Variants in KIRREL3 observed in about 807,000 individuals in gnomAD.
KIRREL3 encodes kirre like nephrin family adhesion molecule 3.
In KIRREL3, 36 loss-of-function variants were observed where a neutral mutation model predicts 89.7. The observed-to-expected ratio is 0.40, with a 90% CI of 0.31 to 0.53. The LOEUF is 0.53. Among genes scored for constraint, KIRREL3 ranks in the 20% least tolerant of loss-of-function variants. The pLI, the probability that KIRREL3 is intolerant of heterozygous loss-of-function variation, is 0.49. For missense variants in KIRREL3, 864 were observed against 1,056.6 expected (o/e 0.82, Z 2.53); for synonymous variants, 445 against 441.4 (o/e 1.01, Z -0.10).
rs1300702946 is a variant in KIRREL3 at position 126,791,002 on chromosome 11, G to A, written c.55+209453C>T. ...TAATATACTGAGCAAACTGGGTGGT[G>A]TGGAGGATTTGTCGATGAGAATGCA... On this transcript the variant is annotated intron_variant, in intron 1 of 16. Transcript: ENST00000525144. This position sits in a 1 kb window ranked among gnomAD's most constrained non-coding sequence, Gnocchi z 4.8. 6.6e-6 allele frequency among the ~76,000 whole-genome samples: 1 copy of A among 152,194 alleles called. No homozygotes were observed. Among genetic ancestry groups the A allele is most frequent in the African/African-American group, 2.4e-5 (1 of 41,448 alleles).
intron 1 of KIRREL3, among the ~76,000 whole-genome samples, chr11:126,884,918 A>G (rs1945643268): frequency 6.6e-6 from 1 of 152,224 alleles, no homozygotes; most frequent in Non-Finnish European, 1.5e-5. Flanking sequence ...AACACATGAC[A>G]GAGTCTGCAG....
Position 126,623,028 on chromosome 11 carries a change from A to G in KIRREL3, c.56-60116T>C, listed in dbSNP as rs1269868618. Among the ~76,000 whole-genome samples, 1 of 152,118 alleles carries G rather than the reference A, an allele frequency of 6.6e-6. No homozygotes were observed. Among genetic ancestry groups the G allele is most frequent in the Non-Finnish European group, 1.5e-5 (1 of 68,018 alleles). ...AGGCAATCTGATGCTCAGAACCTAG[A>G]CTCTTAATTACACTAATATGATATT... is the stretch of plus-strand genomic sequence containing the variant. On this transcript the variant is annotated intron_variant, in intron 1 of 16. Transcript: ENST00000525144. This position sits in a 1 kb window ranked among gnomAD's most constrained non-coding sequence, Gnocchi z 4.1.
rs572579901 is a variant in KIRREL3, at chr11:126,719,926, C to A, written c.56-157014G>T. Among the ~76,000 whole-genome samples, 1 of 152,278 alleles carries A rather than the reference C, an allele frequency of 6.6e-6. No individual in the cohort carries two copies. The highest frequency in any genetic ancestry group is 6.5e-5 in the Admixed American group (1 of 15,292). ...GCAATGTCAGTTGGATCTGATCGCT[C>A]CTCTGTCCAAACTTCTGATGGCTTA... On this transcript the variant is annotated intron_variant, in intron 1 of 16. Transcript: ENST00000525144. This position sits in a 1 kb window ranked among gnomAD's most constrained non-coding sequence, Gnocchi z 4.7.
At chr11:126,488,315 T>G (rs1255628726) in intron 4 of KIRREL3, among the ~76,000 whole-genome samples, 1 of 152,240 alleles carries the variant, frequency 6.6e-6, no homozygotes, top group African/African-American at 2.4e-5. Context: ...GCCTTTGCTC[T>G]CAGACAGAGC....
At position 126,530,044 on chromosome 11, in the gene KIRREL3, C is replaced by A. The variant is rs1450791025; in HGVS notation, c.134-3357G>T. 6.6e-6 allele frequency among the ~76,000 whole-genome samples: 1 copy of A among 151,816 alleles called. No homozygotes were observed. Among genetic ancestry groups the A allele is most frequent in the African/African-American group, 2.4e-5 (1 of 41,276 alleles). ...GCCCCTCAGAGCACAGCTTTTGAGCCATGGATGTAAGTTATTGCCAGAAGA... is the reference window on the plus strand; with the variant it reads ...GCCCCTCAGAGCACAGCTTTTGAGCAATGGATGTAAGTTATTGCCAGAAGA... On this transcript the variant is annotated intron_variant, in intron 2 of 16. Coordinates refer to ENST00000525144, the MANE Select transcript of KIRREL3 (RefSeq NM_032531.4). The surrounding 1 kb of genome is among the most constrained non-coding windows in gnomAD (Gnocchi z 5.8).
intron 1 of KIRREL3, among the ~76,000 whole-genome samples, chr11:126,947,814 G>A (rs373082015): frequency 1.3e-5 from 2 of 152,142 alleles, no homozygotes; most frequent in African/African-American, 4.8e-5. Context: ...CAAAACAATG[G>A]CTGGCTGTTC....
intron 4 of KIRREL3, among the ~76,000 whole-genome samples, chr11:126,511,868 G>A (rs6590216): frequency 0.33 from 49,500 of 152,172 alleles, 8,443 homozygotes; most frequent in Admixed American, 0.39. Flanking sequence ...GGCTGAGGTC[G>A]GAACGGAGAA....
intron 1 of KIRREL3, among the ~76,000 whole-genome samples, chr11:126,925,356 C>CG (rs1318914543): frequency 6.6e-6 from 1 of 151,948 alleles, no homozygotes; most frequent in Non-Finnish European, 1.5e-5. Context: ...CCTGTGGTGG[C>CG]GGGGGGAGCA....
At chr11:126,944,095 G>A (rs937427966) in intron 1 of KIRREL3, among the ~76,000 whole-genome samples, 13 of 152,138 alleles carry the variant, frequency 8.5e-5, no homozygotes, top group African/African-American at 2.9e-4. Flanking sequence ...GACACAGAGA[G>A]GAATCTGAAT....
In KIRREL3 at chr11:126,744,804, C is replaced by T. The variant is rs1779771584; in HGVS notation, c.56-181892G>A. 6.6e-6 allele frequency among the ~76,000 whole-genome samples: 1 copy of T among 151,092 alleles called. No individual in the cohort carries two copies. Among genetic ancestry groups the T allele is most frequent in the South Asian group, 2.1e-4 (1 of 4,794 alleles). ...CTGCTAGAATATAGGCTTCATGAGG[C>T]AGGTACTGTATTTGCCCTGTTGCCT... is the stretch of plus-strand genomic sequence containing the variant. On this transcript the variant is annotated intron_variant, in intron 1 of 16. Transcript: ENST00000525144. The surrounding 1 kb of genome is among the most constrained non-coding windows in gnomAD (Gnocchi z 4.7).
intron 1 of KIRREL3, among the ~76,000 whole-genome samples, chr11:126,865,244 C>T (rs1249652929): frequency 2.0e-5 from 3 of 152,218 alleles, no homozygotes; most frequent in Non-Finnish European, 4.4e-5. Context: ...GTCTAAACGT[C>T]AATGATTATT....
intron 2 of KIRREL3, among the ~76,000 whole-genome samples, chr11:126,532,241 A>G (rs1958964999): frequency 6.6e-6 from 1 of 152,228 alleles, no homozygotes; most frequent in African/African-American, 2.4e-5. Flanking sequence ...TGGTCTGGGT[A>G]CAGCCCTATT....
At position 126,521,545 on chromosome 11, in the gene KIRREL3, C is replaced by G; in HGVS notation, c.284-81G>C. The G allele has an allele frequency of 7.7e-7, 1 of 1,298,444 alleles. No individual in the cohort carries two copies. The highest frequency in any genetic ancestry group is 1.1e-6 in the Non-Finnish European group (1 of 952,250). The allele number at this position is 1,298,444 out of a possible 1,614,324, so 80.4% of individuals were successfully genotyped here. A position where few individuals can be genotyped will look rare whatever the true frequency, so the allele number is the denominator to read the frequency against. On this transcript the variant is annotated intron_variant, in intron 3 of 16. Transcript: ENST00000525144. The surrounding 1 kb of genome is among the most constrained non-coding windows in gnomAD (Gnocchi z 4.1). ...GACAAAGAGGCACAGAATGGAGGAC[C>G]CAAGCAGGGGCCATTCTACAAGGCT...
rs1285430541 is a variant in KIRREL3 at position 126,837,837 on chromosome 11, C to T, written c.55+162618G>A. On this transcript the variant is annotated intron_variant, in intron 1 of 16. Coordinates refer to ENST00000525144, the MANE Select transcript of KIRREL3 (RefSeq NM_032531.4). This position sits in a 1 kb window ranked among gnomAD's most constrained non-coding sequence, Gnocchi z 4.7. ...CTTGCTATCCATTTCTAGCAGCTCG[C>T]AGTCTATGTCCAGGCATACATCCTA... Among the ~76,000 whole-genome samples, 4 of 152,212 alleles carry T rather than the reference C, an allele frequency of 2.6e-5. No homozygotes were observed. Among genetic ancestry groups the T allele is most frequent in the African/African-American group, 9.7e-5 (4 of 41,448 alleles).
At chr11:126,774,745 T>C (rs1222355666) in intron 1 of KIRREL3, among the ~76,000 whole-genome samples, 1 of 152,168 alleles carries the variant, frequency 6.6e-6, no homozygotes, top group African/African-American at 2.4e-5. Context: ...GGTTGGTTTC[T>C]CCAGGGCAGG....
In KIRREL3 at chr11:126,476,030, A is replaced by C. The variant is rs1266086392; in HGVS notation, c.434-2564T>G. Among the ~76,000 whole-genome samples, 2 of 150,940 alleles carry C rather than the reference A, an allele frequency of 1.3e-5. No individual in the cohort carries two copies. Among genetic ancestry groups the C allele is most frequent in the East Asian group, 3.9e-4 (2 of 5,190 alleles). ...CCTCAGCCTTCCCAGTGACTGTGGAAAGTGCCTGAGAGCAGAGGGTGGAGC... is the reference window on the plus strand; with the variant it reads ...CCTCAGCCTTCCCAGTGACTGTGGACAGTGCCTGAGAGCAGAGGGTGGAGC... On this transcript the variant is annotated intron_variant, in intron 4 of 16. Transcript: ENST00000525144. The surrounding 1 kb of genome is among the most constrained non-coding windows in gnomAD (Gnocchi z 6.4).
intron 1 of KIRREL3, among the ~76,000 whole-genome samples, chr11:126,649,157 T>C (rs1000019543): frequency 6.6e-6 from 1 of 152,182 alleles, no homozygotes; most frequent in Non-Finnish European, 1.5e-5. Flanking sequence ...ACCACCCTCA[T>C]GATTAAAATT....
At chr11:126,632,637 A>G (rs1047888734) in intron 1 of KIRREL3, among the ~76,000 whole-genome samples, 1 of 33,112 alleles carries the variant, frequency 3.0e-5, no homozygotes, top group Non-Finnish European at 7.3e-5. Flanking sequence ...CTCAGCACGG[A>G]GCGTTTACTT....
intron 1 of KIRREL3, among the ~76,000 whole-genome samples, chr11:126,671,628 A>AAG (rs1945954567): frequency 6.6e-6 from 1 of 152,242 alleles, no homozygotes; most frequent in African/African-American, 2.4e-5. Flanking sequence ...AGAGATCTGA[A>AAG]CAGACACTTC....
Sources: allele counts gnomAD v4.1 joint callset (sites outside exome capture counted in the v4.1 genomes callset), GRCh38; gene constraint gnomAD v4.1.1; non-coding constraint Gnocchi (gnomAD v3.1); transcripts MANE v1.5; gene names NCBI Gene and HGNC (gene_info 2026-07-23, HGNC 2026-07-21).